The following PILRA variants were observed in gnomAD, a reference collection of about 807,000 sequenced individuals.
PILRA encodes paired immunoglobin like type 2 receptor alpha, also known as paired immunoglobulin-like type 2 receptor alpha.
PILRA carries 37 observed loss-of-function variants against 33.1 expected under a neutral mutation model. That is an observed-to-expected ratio of 1.12 (90% CI 0.86 to 1.47). The LOEUF is 1.47. Ranked by LOEUF, PILRA falls within the 40% of genes most tolerant of loss-of-function variation. PILRA has a pLI of 0.00. For missense variants in PILRA, 312 were observed against 376.2 expected, an observed-to-expected ratio of 0.83 and a Z score of 1.41; for synonymous variants, 146 against 149.9, an observed-to-expected ratio of 0.97 and a Z score of 0.19.
chr7:100,398,954 AT>A (rs1791562556), intron 4 of PILRA, among the ~76,000 whole-genome samples: 1 of 149,850 alleles, frequency 6.7e-6, no homozygotes, highest in Non-Finnish European at 1.5e-5. Context: ...TTTTTTTTTA[AT>A]TTTTGAGAGA....
intron 3 of PILRA, among the ~76,000 whole-genome samples, chr7:100,396,850 T>G (rs533287993): frequency 1.3e-5 from 2 of 150,226 alleles, no homozygotes; most frequent in African/African-American, 2.5e-5. Flanking sequence ...GAGGAGGGAG[T>G]AGGGGTTCTT....
Position 100,390,099 on chromosome 7 carries a change from A to G in PILRA, c.666A>G (p.Arg222=). The change falls in exon 3 of 7, where the codon AGA becomes AGG. Residue 222 remains arginine, a synonymous_variant. Transcript: ENST00000198536. ...LGLICLLRWR[R]RKGQQRTKAT... ...TGATCTGCCTCCTCAGGTGGAGGAGAAGGAAAGGTAAGTGCCCAGGACCCG... is the reference window on the plus strand; with the variant it reads ...TGATCTGCCTCCTCAGGTGGAGGAGGAGGAAAGGTAAGTGCCCAGGACCCG... 1.9e-6 allele frequency: 3 copies of G among 1,613,500 alleles called. No homozygotes were observed. Among genetic ancestry groups the G allele is most frequent in the Non-Finnish European group, 2.5e-6 (3 of 1,179,652 alleles).
At chr7:100,390,207 G>C in intron 3 of PILRA, 101 bp downstream of exon 3, 1 of 1,059,374 alleles carries the variant, frequency 9.4e-7, no homozygotes, top group Non-Finnish European at 1.4e-6. Context: ...GACCCTGCTG[G>C]CTCCCCTCAA....
intron 2 of PILRA, among the ~76,000 whole-genome samples, chr7:100,381,222 C>T (rs529549952): frequency 4.6e-5 from 7 of 152,178 alleles, no homozygotes; most frequent in East Asian, 3.9e-4. Context: ...GCCGAGATCG[C>T]GCCACTGCAC....
intron 3 of PILRA, 67 bp from the exon 4 acceptor site, chr7:100,397,812 A>G: frequency 6.6e-7 from 1 of 1,520,924 alleles, no homozygotes; most frequent in Admixed American, 1.7e-5. Flanking sequence ...AGGGCGCAGC[A>G]GAGAAGGTGG....
rs371629883 is a variant in PILRA, at chr7:100,376,682, G to A, written c.454+2249G>A. The stretch of plus-strand genomic sequence containing the variant: ...TCACCATGTTAGCCAGGCTGCTCTC[G>A]AACTCCTGACCTCAGATGATCTGCC... On this transcript the variant is annotated intron_variant, in intron 2 of 6. Transcript: ENST00000198536. Among the ~76,000 whole-genome samples, 261 of 148,290 alleles carry A rather than the reference G, an allele frequency of 1.8e-3. 2 individuals carry two copies. The highest frequency in any genetic ancestry group is 3.9e-3 in the Admixed American group (57 of 14,738).
intron 6 of PILRA, 73 bp from the exon 7 acceptor site, chr7:100,399,712 T>C (rs1791612548): frequency 6.2e-7 from 1 of 1,611,914 alleles, no homozygotes; most frequent in Non-Finnish European, 8.5e-7. Flanking sequence ...AGAGTCAAAC[T>C]GTAGGCTTGC....
intron 3 of PILRA, among the ~76,000 whole-genome samples, chr7:100,393,645 C>T (rs988126444): frequency 2.6e-5 from 4 of 152,086 alleles, no homozygotes; most frequent in African/African-American, 4.8e-5. Flanking sequence ...CTCTTGTAAA[C>T]AGATCTGGAA....
chr7:100,377,488 G>A (rs189809892), intron 2 of PILRA, among the ~76,000 whole-genome samples: 80 of 151,404 alleles, frequency 5.3e-4, no homozygotes, highest in Non-Finnish European at 9.3e-4. Flanking sequence ...TGATCTGCCC[G>A]CCTCGGCCTC....
intron 2 of PILRA, among the ~76,000 whole-genome samples, chr7:100,380,054 A>T (rs1276119128): frequency 6.6e-6 from 1 of 151,728 alleles, no homozygotes; most frequent in African/African-American, 2.4e-5. Context: ...AAGCAGGGAA[A>T]CCTCCATTCC....
chr7:100,397,440 C>T (rs546398611), intron 3 of PILRA, among the ~76,000 whole-genome samples: 17 of 151,916 alleles, frequency 1.1e-4, no homozygotes, highest in African/African-American at 3.4e-4. Flanking sequence ...CCAAGCACGA[C>T]GCTCCCAAGG....
intron 2 of PILRA, among the ~76,000 whole-genome samples, chr7:100,386,405 G>A (rs1791252531): frequency 6.6e-6 from 1 of 152,120 alleles, no homozygotes; most frequent in Non-Finnish European, 1.5e-5. Context: ...TTGGGAGGCT[G>A]AGACACGAGA....
At chr7:100,384,633 T>A (rs10255133) in intron 2 of PILRA, among the ~76,000 whole-genome samples, 22,656 of 151,582 alleles carry the variant, frequency 0.15, 1,770 homozygotes, top group East Asian at 0.16. Flanking sequence ...AATTTTTTTT[T>A]AAAAATTATC....
intron 2 of PILRA, among the ~76,000 whole-genome samples, chr7:100,380,869 G>A (rs947963963): frequency 6.6e-6 from 1 of 152,178 alleles, no homozygotes; most frequent in Non-Finnish European, 1.5e-5. Flanking sequence ...TACTTGGGAG[G>A]CTGAGGCATA....
chr7:100,372,438 C>T (rs546633041), upstream of PILRA, among the ~76,000 whole-genome samples: 1 of 152,132 alleles, frequency 6.6e-6, no homozygotes, highest in East Asian at 1.9e-4. Flanking sequence ...TGATGAAATC[C>T]TGTCTTCCCC....
At chr7:100,389,754 C>T (rs1791340430) in intron 2 of PILRA, 134 bp from the exon 3 acceptor site, 2 of 704,302 alleles carry the variant, frequency 2.8e-6, no homozygotes, top group African/African-American at 1.8e-5. Flanking sequence ...CTGTTCCCCG[C>T]TCCCTGTGTG....
chr7:100,394,818 C>T (rs1396034426), intron 3 of PILRA, among the ~76,000 whole-genome samples: 1 of 151,966 alleles, frequency 6.6e-6, no homozygotes, highest in African/African-American at 2.4e-5. Flanking sequence ...TTATCTTATA[C>T]CATATACAAA....
At chr7:100,390,383 G>T (rs867099199) in intron 3 of PILRA, among the ~76,000 whole-genome samples, 14 of 152,108 alleles carry the variant, frequency 9.2e-5, no homozygotes, top group African/African-American at 1.7e-4. Flanking sequence ...TCCCCTGAAG[G>T]TTCCTGGGGA....
chr7:100,374,225 C>T lies in PILRA; in HGVS notation c.246C>T (p.Tyr82=), dbSNP rs1264859184. The change falls in exon 2 of 7, where the codon TAC becomes TAT. Residue 82 remains tyrosine, a synonymous_variant. Coordinates refer to ENST00000198536, the MANE Select transcript of PILRA (RefSeq NM_013439.3). ...RRGHFHRQSF[Y]STRPPSIHKD... Reference sequence around the variant, plus strand: ...GCCACTTCCACAGGCAGTCCTTCTACAGCACAAGGCCGCCTTCCATTCACA... The same window carrying T: ...GCCACTTCCACAGGCAGTCCTTCTATAGCACAAGGCCGCCTTCCATTCACA... 11 of 1,614,150 alleles carry T rather than the reference C, an allele frequency of 6.8e-6. No individual in the cohort carries two copies. The highest frequency in any genetic ancestry group is 9.3e-6 in the Non-Finnish European group (11 of 1,180,002).
Sources: allele counts gnomAD v4.1 joint callset (sites outside exome capture counted in the v4.1 genomes callset), GRCh38; gene constraint gnomAD v4.1.1; transcripts MANE v1.5; gene names NCBI Gene and HGNC (gene_info 2026-07-23, HGNC 2026-07-21).